USP47: variants seen among roughly 807,000 people sequenced by gnomAD.
The protein encoded by USP47 is ubiquitin carboxyl-terminal hydrolase 47.
Under a neutral mutation model 165.1 loss-of-function variants are expected in USP47, and 35 were observed. That is an observed-to-expected ratio of 0.21 (90% CI 0.16 to 0.28). The LOEUF is 0.28. USP47 is among the 10% of genes least tolerant of loss of function. The probability of loss-of-function intolerance (pLI) is 1.00; values close to 1 mark genes in which losing one functional copy is unlikely to be tolerated. For synonymous variants in USP47, 531 were observed against 544.5 expected, an observed-to-expected ratio of 0.98 and a Z score of 0.35; for missense variants, 1,277 against 1,607.4, an observed-to-expected ratio of 0.79 and a Z score of 3.52.
intron 8 of USP47, among the ~76,000 whole-genome samples, chr11:11,915,759 GAA>G (rs1293265360): frequency 1.3e-5 from 2 of 152,076 alleles, no homozygotes; most frequent in Non-Finnish European, 2.9e-5. Flanking sequence ...ATATATTCGG[GAA>G]AGACAGTTGA....
intron 4 of USP47, among the ~76,000 whole-genome samples, chr11:11,892,441 G>A (rs1174264870): frequency 1.5e-5 from 2 of 136,066 alleles, no homozygotes; most frequent in African/African-American, 5.7e-5. Flanking sequence ...GAGCACAGAA[G>A]CTTGATAATG....
chr11:11,889,427 A>G (rs577839036), intron 3 of USP47, among the ~76,000 whole-genome samples: 1 of 152,292 alleles, frequency 6.6e-6, no homozygotes, highest in East Asian at 1.9e-4. Context: ...ACAGGCAAGC[A>G]GAGAGCCAAA....
chr11:11,873,860 G>T, intron 1 of USP47: 1 of 1,478,510 alleles, frequency 6.8e-7, no homozygotes, highest in Non-Finnish European at 9.0e-7. Context: ...ATTTTTACAG[G>T]TAGACTGCTG....
chr11:11,917,795 C>G (rs950354772), intron 8 of USP47, among the ~76,000 whole-genome samples: 2 of 152,106 alleles, frequency 1.3e-5, no homozygotes, highest in Non-Finnish European at 2.9e-5. Context: ...CTAACACACA[C>G]AGTAATTACA....
At position 11,940,544 on chromosome 11, in the gene USP47, A is replaced by T; in HGVS notation, c.2309A>T (p.Asn770Ile). The change falls in exon 19 of 28, where the codon AAC becomes ATC. Residue 770 changes from asparagine to isoleucine, a missense_variant. Physicochemically the swap from Asn to Ile is moderately radical, Grantham distance 149. Around this residue, in one of 4 missense-constraint regions of USP47, gnomAD observed 909 missense variants for 1,068.1 expected, o/e 0.85. Transcript: ENST00000527733. ...TLKAEGFFRS[N>I]KVFVESSETL... ...AAAGCTGAAGGATTTTTTAGAAGTA[A>T]CAAGGTATGTCATTTACTTTTTCAT... 6.2e-7 allele frequency: 1 copy of T among 1,611,092 alleles called. No homozygotes were observed. The highest frequency in any genetic ancestry group is 8.5e-7 in the Non-Finnish European group (1 of 1,178,116).
At position 11,956,152 on chromosome 11, in the gene USP47, A is replaced by T. The variant is rs1000201407; in HGVS notation, c.4045A>T (p.Asn1349Tyr). Residue 1349 changes from asparagine to tyrosine, a missense_variant, in exon 28 of 28, where the codon AAT (asparagine) becomes TAT (tyrosine). Physicochemically the swap from Asn to Tyr is moderately radical, Grantham distance 143. Around this residue, in one of 4 missense-constraint regions of USP47, gnomAD observed 909 missense variants for 1,068.1 expected, o/e 0.85. Coordinates refer to ENST00000527733, the MANE Select transcript of USP47 (RefSeq NM_001282659.2). ...ALKIYLDGAP[N>Y]KDLTQD is the part of the protein sequence containing the mutation. ...AAAAATATATCTGGATGGAGCACCA[A>T]ATAAAGATCTGACTCAAGACTGACT... 10 of 1,613,970 alleles carry T rather than the reference A, an allele frequency of 6.2e-6. No individual in the cohort carries two copies. Among genetic ancestry groups the T allele is most frequent in the Non-Finnish European group, 8.5e-6 (10 of 1,179,998 alleles).
chr11:11,880,941 TA>T (rs1288446178), intron 2 of USP47, among the ~76,000 whole-genome samples: 2 of 152,158 alleles, frequency 1.3e-5, no homozygotes, highest in African/African-American at 2.4e-5. Context: ...CTCTTAAGCT[TA>T]AAAACATTTT....
At chr11:11,893,724 T>C (rs1238190896) in intron 4 of USP47, among the ~76,000 whole-genome samples, 1 of 152,082 alleles carries the variant, frequency 6.6e-6, no homozygotes, top group Non-Finnish European at 1.5e-5. Context: ...GGCTTTTAAA[T>C]TTTTCTAGAG....
chr11:11,865,664 C>T (rs1849632245), intron 1 of USP47, among the ~76,000 whole-genome samples: 1 of 152,108 alleles, frequency 6.6e-6, no homozygotes, highest in African/African-American at 2.4e-5. Flanking sequence ...TCCTTACCAA[C>T]ACTTTTTATT....
intron 1 of USP47, among the ~76,000 whole-genome samples, chr11:11,861,198 G>A (rs1849362582): frequency 6.6e-6 from 1 of 152,220 alleles, no homozygotes; most frequent in African/African-American, 2.4e-5. Context: ...AGATTCAAGC[G>A]ATTCTCCTGC....
intron 1 of USP47, among the ~76,000 whole-genome samples, chr11:11,853,224 A>G (rs1848825884): frequency 6.6e-6 from 1 of 152,160 alleles, no homozygotes; most frequent in African/African-American, 2.4e-5. Context: ...AGCATTAAAT[A>G]TATATATTTA....
At position 11,892,016 on chromosome 11, in the gene USP47, C is replaced by T. The variant is rs966149970; in HGVS notation, c.406C>T (p.Pro136Ser). The change falls in exon 4 of 28, where the codon CCG becomes TCG. Residue 136 changes from proline to serine, a missense_variant. Pro to Ser is a moderately conservative substitution (Grantham distance 74). This residue lies in a region of USP47 where 181 missense variants were observed against 194.7 expected (regional missense o/e 0.93). Transcript: ENST00000527733. The part of the protein sequence containing the change: ...EDSVHDRFIG[P>S]LPREGSGGST... The stretch of plus-strand genomic sequence containing the variant: ...CAGTGTTCATGACAGGTTTATAGGT[C>T]CGCTTCCAAGAGAAGGTTCTGGGGG... 8 of 1,613,878 alleles carry T rather than the reference C, an allele frequency of 5.0e-6. No homozygotes were observed. Among genetic ancestry groups the T allele is most frequent in the Non-Finnish European group, 5.9e-6 (7 of 1,179,864 alleles).
intron 3 of USP47, among the ~76,000 whole-genome samples, chr11:11,889,668 C>T (rs1172886880): frequency 1.3e-5 from 2 of 152,170 alleles, no homozygotes; most frequent in African/African-American, 4.8e-5. Flanking sequence ...TCCCATTAAA[C>T]TACCATTGAC....
intron 1 of USP47, among the ~76,000 whole-genome samples, chr11:11,861,319 C>T (rs1849371536): frequency 6.6e-6 from 1 of 152,108 alleles, no homozygotes. Context: ...TGGTCTCGAA[C>T]TCCTGACCTC....
At chr11:11,870,090 G>A (rs545031108) in intron 1 of USP47, among the ~76,000 whole-genome samples, 17 of 147,546 alleles carry the variant, frequency 1.2e-4, no homozygotes, top group African/African-American at 4.2e-4. Context: ...TTTCCCCTCT[G>A]TTATCTTTTA....
In USP47 at chr11:11,942,673, C is replaced by A. The variant is rs751400125; in HGVS notation, c.2652C>A (p.Asp884Glu). Residue 884 changes from aspartate to glutamate, a missense_variant, in exon 20 of 28, where the codon GAC becomes GAA. Coordinates refer to ENST00000527733, the MANE Select transcript of USP47 (RefSeq NM_001282659.2). ...GDSSKSTETS[D>E]FENIESPLNE... ...GCAGCAAAAGTACTGAGACAAGTGA[C>A]TTTGAAAACATCGAATCACCTCTCA... 1 of 1,613,544 alleles carries A rather than the reference C, an allele frequency of 6.2e-7. No homozygotes were observed. Among genetic ancestry groups the A allele is most frequent in the Non-Finnish European group, 8.5e-7 (1 of 1,179,764 alleles).
intron 1 of USP47, among the ~76,000 whole-genome samples, chr11:11,854,875 C>T (rs1311723858): frequency 6.8e-6 from 1 of 146,526 alleles, no homozygotes; most frequent in East Asian, 2.0e-4. Flanking sequence ...AGGCGGATCA[C>T]GAGGTCAGGA....
chr11:11,934,371 T>C (rs1406990411), intron 16 of USP47, among the ~76,000 whole-genome samples: 1 of 152,088 alleles, frequency 6.6e-6, no homozygotes, highest in Non-Finnish European at 1.5e-5. Flanking sequence ...AACATCACAG[T>C]TTGCAATTAT....
At chr11:11,916,951 A>G (rs561268888) in intron 8 of USP47, among the ~76,000 whole-genome samples, 5 of 145,362 alleles carry the variant, frequency 3.4e-5, no homozygotes, top group South Asian at 4.1e-4. Flanking sequence ...GGAGTTTGAG[A>G]CCAGTTTGGG....
Sources: gnomAD v4.1 joint callset for allele counts (sites outside exome capture counted in the v4.1 genomes callset) on GRCh38, gnomAD v4.1.1 for gene constraint, gnomAD v4.1.1 regional missense constraint, MANE v1.5 for transcripts, NCBI Gene and HGNC (gene_info 2026-07-23, HGNC 2026-07-21) for gene names.